DOP1A: variants seen among roughly 807,000 people sequenced by gnomAD.
The protein encoded by DOP1A is protein DOP1A.
Under a neutral mutation model 267.6 loss-of-function variants are expected in DOP1A, and 90 were observed. The observed-to-expected ratio is 0.34, with a 90% CI of 0.28 to 0.40. DOP1A has a LOEUF of 0.40. Ranked by LOEUF, DOP1A falls within the 10% of genes least tolerant of loss-of-function variation. The pLI, the probability that DOP1A is intolerant of heterozygous loss-of-function variation, is 1.00. For synonymous variants in DOP1A, 932 were observed against 999.1 expected (o/e 0.93, Z 1.27); for missense variants, 2,437 against 2,900.4 (o/e 0.84, Z 3.67).
In DOP1A at chr6:83,138,705, G is replaced by A. The variant is rs779199447; in HGVS notation, c.4663G>A (p.Val1555Met). 3.7e-6 allele frequency: 6 copies of A among 1,614,032 alleles called. No individual in the cohort carries two copies. Among genetic ancestry groups the A allele is most frequent in the Admixed American group, 1.7e-5 (1 of 60,004 alleles). ...EKMAGKNLVA[V>M]EEGFSEDSLI... ...AATGGCAGGTAAGAACCTGGTTGCT[G>A]TGGAAGAAGGTTTCTCAGAGGACAG... Residue 1555 changes from valine (V) to methionine (M), a missense_variant, in exon 21 of 39, where the codon GTG (valine) becomes ATG (methionine). By Grantham distance (21) the Val-to-Met change is conservative. Transcript: ENST00000349129.
intron 1 of DOP1A, among the ~76,000 whole-genome samples, chr6:83,092,887 T>G (rs905132851): frequency 6.6e-6 from 1 of 152,174 alleles, no homozygotes; most frequent in Non-Finnish European, 1.5e-5. Context: ...TTTTGTCATG[T>G]TACTCAGAAT....
intron 14 of DOP1A, 64 bp from the exon 15 acceptor site, chr6:83,125,435 AT>A: frequency 1.4e-6 from 2 of 1,445,338 alleles, no homozygotes; most frequent in Non-Finnish European, 9.6e-7. Flanking sequence ...ATTTATATAG[AT>A]TAAAAAATGT....
rs1424364378 is a variant in DOP1A at position 83,135,836 on chromosome 6, G to A, written c.3088G>A (p.Glu1030Lys). 6.2e-6 allele frequency: 10 copies of A among 1,613,522 alleles called. No homozygotes were observed. In the Admixed American group the frequency reaches 1.7e-4, roughly 27 times the overall value. ...TAAGTCTCCCTGTTATCCAGGAGAG[G>A]AGAGTGACAAGCATTTCATGCAAAA... ...WNKSPCYPGE[E>K]SDKHFMQNFA... The change falls in exon 20 of 39, where the codon GAG becomes AAG. Residue 1030 changes from glutamate (E) to lysine (K), a missense_variant. Physicochemically the swap from Glu to Lys is moderately conservative, Grantham distance 56. Transcript: ENST00000349129.
chr6:83,142,394 G>T (rs1779799493), intron 24 of DOP1A, among the ~76,000 whole-genome samples: 1 of 152,078 alleles, frequency 6.6e-6, no homozygotes, highest in Non-Finnish European at 1.5e-5. Context: ...TGTAGTCCCA[G>T]GTACTCGGGA....
Position 83,137,429 on chromosome 6 carries a change from A to C in DOP1A, c.3387A>C (p.Glu1129Asp), listed in dbSNP as rs1373700651. 1.9e-6 allele frequency: 3 copies of C among 1,613,872 alleles called. No individual in the cohort carries two copies. Among genetic ancestry groups the C allele is most frequent in the Non-Finnish European group, 2.5e-6 (3 of 1,179,860 alleles). ...GDNLSYEVDP[E>D]TVNAQEDSQM... ...ACTTGAGTTACGAAGTTGATCCTGA[A>C]ACCGTGAATGCCCAAGAGGATTCTC... is the stretch of plus-strand genomic sequence containing the variant. The change falls in exon 21 of 39, where the codon GAA becomes GAC. Residue 1129 changes from glutamate to aspartate, a missense_variant. Coordinates refer to ENST00000349129, the MANE Select transcript of DOP1A (RefSeq NM_015018.4).
intron 24 of DOP1A, among the ~76,000 whole-genome samples, chr6:83,142,337 G>A (rs1391682502): frequency 4.0e-5 from 6 of 151,794 alleles, no homozygotes; most frequent in East Asian, 1.9e-4. Flanking sequence ...GTGAAACCCC[G>A]TCTCTACTAA....
chr6:83,077,043 C>G (rs938285668), intron 1 of DOP1A, among the ~76,000 whole-genome samples: 1 of 152,114 alleles, frequency 6.6e-6, no homozygotes, highest in South Asian at 2.1e-4. Flanking sequence ...AATATGGTTC[C>G]CCTTACATGA....
Position 83,110,146 on chromosome 6 carries a change from G to C in DOP1A, c.513G>C (p.Lys171Asn). The C allele has an allele frequency of 6.2e-7, 1 of 1,603,190 alleles. No individual in the cohort carries two copies. The highest frequency in any genetic ancestry group is 8.5e-7 in the Non-Finnish European group (1 of 1,175,878). ...YYERTNMLLE[K>N]VAAAVDQSAF... ...TCAGAACAAATATGTTGTTGGAAAAGGTTGCTGCTGCTGTGGACCAGTCAG... is the reference window on the plus strand; with the variant it reads ...TCAGAACAAATATGTTGTTGGAAAACGTTGCTGCTGCTGTGGACCAGTCAG... Residue 171 changes from lysine (K) to asparagine (N), a missense_variant, in exon 6 of 39, where the codon AAG becomes AAC. By Grantham distance (94) the Lys-to-Asn change is moderately conservative. Coordinates refer to ENST00000349129, the MANE Select transcript of DOP1A (RefSeq NM_015018.4).
chr6:83,162,872 A>G lies in DOP1A; in HGVS notation c.7045A>G (p.Lys2349Glu). ...GCAGGGTATACATCAACGAGAATTT[A>G]AACCTTACGTGGTACGACTAGCAAA... ...RRQGIHQREF[K>E]PYVVRLAKLL... Residue 2349 changes from lysine to glutamate, a missense_variant, in exon 38 of 39, where the codon AAA (lysine) becomes GAA (glutamate). Transcript: ENST00000349129. 1.2e-6 allele frequency: 2 copies of G among 1,613,602 alleles called. No homozygotes were observed. Among genetic ancestry groups the G allele is most frequent in the Non-Finnish European group, 1.7e-6 (2 of 1,179,624 alleles).
chr6:83,148,815 ACT>A lies in DOP1A; in HGVS notation c.5792_5793del (p.Ser1931TyrfsTer19). On this transcript the variant is annotated frameshift_variant, in exon 27 of 39. Coordinates refer to ENST00000349129, the MANE Select transcript of DOP1A (RefSeq NM_015018.4). LOFTEE classifies it high-confidence loss of function. ...GCGTCACTGTTGATACTTCTGAAAG[ACT>A]CTATACAACTGAGTCTTCCAGCTCC... is the stretch of plus-strand genomic sequence containing the variant. 1 of 1,554,606 alleles carries A rather than the reference ACT, an allele frequency of 6.4e-7. No individual in the cohort carries two copies. The highest frequency in any genetic ancestry group is 8.6e-7 in the Non-Finnish European group (1 of 1,160,330).
At chr6:83,170,236 C>T, downstream of DOP1A, 1 of 1,415,112 alleles carries the variant, frequency 7.1e-7, no homozygotes, top group Admixed American at 1.8e-5. Flanking sequence ...ATTCTAAAAA[C>T]CATTAAAATA....
intron 38 of DOP1A, 79 bp downstream of exon 38, chr6:83,162,998 G>A: frequency 6.9e-7 from 1 of 1,441,880 alleles, no homozygotes; most frequent in Non-Finnish European, 9.3e-7. Flanking sequence ...ATACTTCCTG[G>A]GAAACTGAGA....
rs1562327748 is a variant in DOP1A at position 83,125,487 on chromosome 6, CTT to C, written c.1486-10_1486-9del. The stretch of plus-strand genomic sequence containing the variant: ...CATTGTTTAAACTTTTTTCATTTCA[CTT>C]TTATTTTCAGGAGACTTACATTGAA... On this transcript the variant is annotated splice_polypyrimidine_tract_variant and intron_variant, in intron 14 of 38. Coordinates refer to ENST00000349129, the MANE Select transcript of DOP1A (RefSeq NM_015018.4). 5 of 1,606,886 alleles carry C rather than the reference CTT, an allele frequency of 3.1e-6. No homozygotes were observed. Among genetic ancestry groups the C allele is most frequent in the Admixed American group, 1.7e-5 (1 of 59,058 alleles).
Position 83,156,022 on chromosome 6 carries a change from G to A in DOP1A, c.6523G>A (p.Ala2175Thr). 1 of 1,614,092 alleles carries A rather than the reference G, an allele frequency of 6.2e-7. No homozygotes were observed. Among genetic ancestry groups the A allele is most frequent in the Non-Finnish European group, 8.5e-7 (1 of 1,179,966 alleles). The change falls in exon 34 of 39, where the codon GCT becomes ACT. Residue 2175 changes from alanine to threonine, a missense_variant. Around this residue, in one of 9 missense-constraint regions of DOP1A, gnomAD observed 75 missense variants for 149.6 expected, o/e 0.50. Transcript: ENST00000349129. The part of the protein sequence containing the change: ...ANRDVELEQR[A>T]MLLKRLAFAI... ...CCGTGATGTGGAGCTAGAACAGAGA[G>A]CTATGCTTCTTAAAAGATTAGCATT...
intron 33 of DOP1A, 113 bp from the exon 34 acceptor site, chr6:83,155,838 C>A (rs1782684756): frequency 8.4e-6 from 11 of 1,305,550 alleles, no homozygotes; most frequent in Non-Finnish European, 1.0e-5. Flanking sequence ...AAGTTTTGTA[C>A]CCCAAGCTCC....
At chr6:83,121,879 G>A in intron 10 of DOP1A, 51 bp from the exon 11 acceptor site, 2 of 1,533,300 alleles carry the variant, frequency 1.3e-6, no homozygotes, top group Non-Finnish European at 1.8e-6. Context: ...AGATAAGCAT[G>A]ATTTGCTCAT....
chr6:83,143,652 A>G (rs1469822229), intron 24 of DOP1A, among the ~76,000 whole-genome samples: 2 of 152,188 alleles, frequency 1.3e-5, no homozygotes, highest in African/African-American at 4.8e-5. Flanking sequence ...AAACAAAGCA[A>G]TATTTTTAGG....
At chr6:83,126,256 T>C (rs1010424743) in intron 15 of DOP1A, among the ~76,000 whole-genome samples, 18 of 151,810 alleles carry the variant, frequency 1.2e-4, no homozygotes, top group Admixed American at 4.6e-4. Flanking sequence ...AGGGTAGGTA[T>C]ATGTAAAATA....
At chr6:83,111,085 T>A (rs1774476858) in intron 6 of DOP1A, among the ~76,000 whole-genome samples, 1 of 152,160 alleles carries the variant, frequency 6.6e-6, no homozygotes, top group Admixed American at 6.5e-5. Context: ...AGTTTTGTTT[T>A]TTCTAGAATG....
Sources: gnomAD v4.1 joint callset for allele counts (sites outside exome capture counted in the v4.1 genomes callset) on GRCh38, gnomAD v4.1.1 for gene constraint, gnomAD v4.1.1 regional missense constraint, MANE v1.5 for transcripts, NCBI Gene and HGNC (gene_info 2026-07-23, HGNC 2026-07-21) for gene names.